Variants in MNAT1 observed in about 807,000 individuals in gnomAD.
MNAT1 encodes CDK-activating kinase assembly factor MAT1.
In MNAT1, 43 loss-of-function variants were observed where a neutral mutation model predicts 42.0. The ratio of observed to expected loss-of-function variants is 1.02; its 90% CI spans 0.80 to 1.32. MNAT1 has a LOEUF of 1.32. Among genes scored for constraint, MNAT1 ranks in the 40% most tolerant of loss-of-function variants. The probability of loss-of-function intolerance (pLI) is 0.00; values close to 1 mark genes in which losing one functional copy is unlikely to be tolerated. For missense variants in MNAT1, 306 were observed against 350.4 expected (o/e 0.87, Z 1.01); for synonymous variants, 118 against 120.0 (o/e 0.98, Z 0.11).
At chr14:60,785,146 G>A (rs943128318) in intron 1 of MNAT1, among the ~76,000 whole-genome samples, 3 of 152,168 alleles carry the variant, frequency 2.0e-5, no homozygotes, top group Admixed American at 6.5e-5. Flanking sequence ...CGCCCAGCCA[G>A]CTAGCACTCA....
In MNAT1 at chr14:60,747,226, T is replaced by C. The variant is rs187717182; in HGVS notation, c.89+12275T>C. ...GTCTTGATCTCCTGACCTTGTGATC[T>C]GCCCGCCCTGGCCTCCCAAAGTGCT... is the stretch of plus-strand genomic sequence containing the variant. On this transcript the variant is annotated intron_variant, in intron 1 of 7. Coordinates refer to ENST00000261245, the MANE Select transcript of MNAT1 (RefSeq NM_002431.4). 5.5e-4 allele frequency among the ~76,000 whole-genome samples: 84 copies of C among 151,960 alleles called. No homozygotes were observed. The Middle Eastern group carries it at 0.017, about 31-fold the overall frequency.
chr14:60,750,319 T>C (rs1270294142), intron 1 of MNAT1, among the ~76,000 whole-genome samples: 1 of 151,618 alleles, frequency 6.6e-6, no homozygotes, highest in African/African-American at 2.4e-5. Context: ...CTTCGCCTCC[T>C]GGGTTCACGG....
At position 60,893,625 on chromosome 14, in the gene MNAT1, T is replaced by C. The variant is rs543228721; in HGVS notation, c.809+13790T>C. Among the ~76,000 whole-genome samples the C allele has an allele frequency of 2.6e-5, 4 of 152,292 alleles. No homozygotes were observed. The East Asian group carries it at 7.7e-4, about 29-fold the overall frequency. ...TTTGATCTTGGTTTTGGTTTTTTGT[T>C]GCTCCAGTTCCTATCAATGTACCAC... On this transcript the variant is annotated intron_variant, in intron 7 of 7. Coordinates refer to ENST00000261245, the MANE Select transcript of MNAT1 (RefSeq NM_002431.4).
At chr14:60,912,618 ATTCTT>A (rs1468630995) in intron 7 of MNAT1, among the ~76,000 whole-genome samples, 5 of 152,292 alleles carry the variant, frequency 3.3e-5, no homozygotes, top group African/African-American at 1.2e-4. Flanking sequence ...TGGGTTGAAA[ATTCTT>A]TTCTTTAAGA....
chr14:60,904,976 C>CTTTTGTTTTTTTT (rs2035162926), intron 7 of MNAT1, among the ~76,000 whole-genome samples: 1 of 79,010 alleles, frequency 1.3e-5, no homozygotes, highest in African/African-American at 4.5e-5. Flanking sequence ...TCAGCAGTTC[C>CTTTTGTTTTTTTT]TTTTTTTTTT....
At chr14:60,876,756 T>A (rs2034444767) in intron 6 of MNAT1, among the ~76,000 whole-genome samples, 1 of 152,072 alleles carries the variant, frequency 6.6e-6, no homozygotes, top group African/African-American at 2.4e-5. Context: ...AAAATTTCCT[T>A]CCTTTCAAAG....
At chr14:60,936,560 A>C (rs990337916) in intron 7 of MNAT1, among the ~76,000 whole-genome samples, 3 of 151,634 alleles carry the variant, frequency 2.0e-5, no homozygotes, top group African/African-American at 4.9e-5. Context: ...TGAACTCATT[A>C]TTTCTTATGG....
chr14:60,759,439 C>T (rs979952435), intron 1 of MNAT1, among the ~76,000 whole-genome samples: 3 of 152,110 alleles, frequency 2.0e-5, no homozygotes, highest in Non-Finnish European at 4.4e-5. Context: ...TAGTTGCCAA[C>T]ATGTAAAAAT....
chr14:60,889,318 T>C (rs1439045661), intron 7 of MNAT1, among the ~76,000 whole-genome samples: 6 of 152,130 alleles, frequency 3.9e-5, no homozygotes, highest in African/African-American at 1.4e-4. Context: ...CTATCTGATC[T>C]TTGACAAACC....
chr14:60,844,241 A>C (rs938845334), intron 6 of MNAT1, among the ~76,000 whole-genome samples: 2 of 152,038 alleles, frequency 1.3e-5, no homozygotes, highest in African/African-American at 4.8e-5. Context: ...TTTTAGATTC[A>C]GTTTGTCAGT....
At chr14:60,884,923 GTCTT>G (rs1444420852) in intron 7 of MNAT1, among the ~76,000 whole-genome samples, 1 of 151,982 alleles carries the variant, frequency 6.6e-6, no homozygotes, top group African/African-American at 2.4e-5. Context: ...GTCCGGGAAA[GTCTT>G]TATTTGTTTC....
intron 7 of MNAT1, among the ~76,000 whole-genome samples, chr14:60,933,060 G>T (rs1398186879): frequency 1.3e-5 from 2 of 151,854 alleles, no homozygotes; most frequent in Non-Finnish European, 2.9e-5. Flanking sequence ...CTGTGTCTTT[G>T]TTTCCTCCTT....
At chr14:60,872,516 T>G (rs752445676) in intron 6 of MNAT1, among the ~76,000 whole-genome samples, 165 of 152,096 alleles carry the variant, frequency 1.1e-3, no homozygotes, top group Non-Finnish European at 1.8e-3. Flanking sequence ...TAATTATAAT[T>G]ATTATTCTTT....
chr14:60,937,425 A>G (rs1482919436), intron 7 of MNAT1, among the ~76,000 whole-genome samples: 1 of 152,202 alleles, frequency 6.6e-6, no homozygotes, highest in East Asian at 1.9e-4. Flanking sequence ...GAAGGGATCC[A>G]GTTTCAGCTT....
chr14:60,759,790 A>G (rs2030519905), intron 1 of MNAT1, among the ~76,000 whole-genome samples: 1 of 152,208 alleles, frequency 6.6e-6, no homozygotes, highest in Non-Finnish European at 1.5e-5. Flanking sequence ...TATAAGTAAA[A>G]CTGCTTTATG....
intron 1 of MNAT1, among the ~76,000 whole-genome samples, chr14:60,794,270 C>G (rs764102231): frequency 2.0e-5 from 3 of 152,118 alleles, no homozygotes. Flanking sequence ...CACTCTGAAA[C>G]TTCCTAAGTC....
intron 1 of MNAT1, among the ~76,000 whole-genome samples, chr14:60,743,655 T>G (rs1326360357): frequency 6.6e-6 from 1 of 152,222 alleles, no homozygotes; most frequent in Non-Finnish European, 1.5e-5. Flanking sequence ...TATAAGAAAG[T>G]GTTTTTATTT....
chr14:60,784,857 C>CT (rs914518213), intron 1 of MNAT1, among the ~76,000 whole-genome samples: 90 of 145,462 alleles, frequency 6.2e-4, no homozygotes, highest in South Asian at 2.4e-3. Flanking sequence ...ATAGCTAACA[C>CT]TTTTTTTTTT....
At chr14:60,951,817 T>G (rs986559630) in intron 7 of MNAT1, among the ~76,000 whole-genome samples, 4 of 152,140 alleles carry the variant, frequency 2.6e-5, no homozygotes, top group Admixed American at 1.3e-4. Context: ...TGTTTTCCTG[T>G]GGGTCTTGGA....
Sources: gnomAD v4.1 joint callset for allele counts (sites outside exome capture counted in the v4.1 genomes callset) on GRCh38, gnomAD v4.1.1 for gene constraint, MANE v1.5 for transcripts, NCBI Gene and HGNC (gene_info 2026-07-23, HGNC 2026-07-21) for gene names.